RECQL: variants seen among roughly 807,000 people sequenced by gnomAD.
RECQL encodes ATP-dependent DNA helicase Q1.
Under a neutral mutation model 75.8 loss-of-function variants are expected in RECQL, and 73 were observed. The ratio of observed to expected loss-of-function variants is 0.96; its 90% CI spans 0.80 to 1.17. The LOEUF (loss-of-function observed/expected upper bound fraction) is 1.17. Ranked by LOEUF, RECQL falls within the 50% of genes most tolerant of loss-of-function variation. The pLI is 0.00. For synonymous variants in RECQL, 248 were observed against 254.4 expected (o/e 0.97, Z 0.24); for missense variants, 699 against 772.1 (o/e 0.91, Z 1.12).
At chr12:21,490,153 T>C (rs753316653) in intron 4 of RECQL, 46 bp downstream of exon 4, 2 of 1,104,380 alleles carry the variant, frequency 1.8e-6, no homozygotes, top group South Asian at 3.5e-5. Context: ...AAAGGTATGA[T>C]GACAAAGCAC....
chr12:21,481,872 A>T (rs1943198560), intron 6 of RECQL, among the ~76,000 whole-genome samples: 1 of 152,054 alleles, frequency 6.6e-6, no homozygotes, highest in Non-Finnish European at 1.5e-5. Context: ...GTGAGAGGTG[A>T]ATATATAAAA....
chr12:21,494,708 A>AG (rs772695627), intron 2 of RECQL, among the ~76,000 whole-genome samples: 1 of 152,224 alleles, frequency 6.6e-6, no homozygotes, highest in Admixed American at 6.5e-5. Flanking sequence ...GCTGTCCCCC[A>AG]GGAGAATCCA....
rs71582885 is a variant in RECQL, at chr12:21,469,888, T to C, written c.*306A>G. 7,389 of 209,530 alleles carry C rather than the reference T, an allele frequency of 0.035. 176 individuals are homozygous for C. The highest frequency in any genetic ancestry group is 0.084 in the Middle Eastern group (43 of 510). 13.0% of individuals were successfully genotyped at this position (209,530 alleles called of 1,614,324 possible). On this transcript the variant is annotated 3_prime_UTR_variant, in exon 15 of 15. Coordinates refer to ENST00000444129, the MANE Select transcript of RECQL (RefSeq NM_002907.4). ...GATAGTTATGTCAAAAGAAAAAATA[T>C]AGCTAAGTATATAAAGGCATAAAAA... is the stretch of plus-strand genomic sequence containing the variant.
chr12:21,486,539 T>C lies in RECQL; in HGVS notation c.441A>G (p.Gln147=), dbSNP rs765645630. Residue 147 remains glutamine (Q), a synonymous_variant, in exon 5 of 15, where the codon CAA becomes CAG. Coordinates refer to ENST00000444129, the MANE Select transcript of RECQL (RefSeq NM_002907.4). ...TTCCTAATTGTTTTAAAACCATTAA[T>C]TGGTCTTCCATAAGAGAGATCAATG... ...ICPLISLMED[Q]LMVLKQLGIS... The C allele has an allele frequency of 2.5e-6, 4 of 1,605,240 alleles. No homozygotes were observed. Among genetic ancestry groups the C allele is most frequent in the Middle Eastern group, 1.7e-4 (1 of 6,016 alleles).
Position 21,471,115 on chromosome 12 carries a change from C to A in RECQL, c.1668-17G>T, listed in dbSNP as rs1436386870. On this transcript the variant is annotated splice_polypyrimidine_tract_variant and intron_variant, in intron 13 of 14. Transcript: ENST00000444129. Reference sequence around the variant, plus strand: ...TAGTCTTCTCTGCAGAAAATAAAGGCCAACAATAAGAAAGCTTTTGAAGGA... The same window carrying A: ...TAGTCTTCTCTGCAGAAAATAAAGGACAACAATAAGAAAGCTTTTGAAGGA... The A allele has an allele frequency of 1.3e-6, 2 of 1,548,834 alleles. No homozygotes were observed. Among genetic ancestry groups the A allele is most frequent in the Non-Finnish European group, 1.7e-6 (2 of 1,157,682 alleles).
intron 4 of RECQL, among the ~76,000 whole-genome samples, chr12:21,488,619 T>G (rs182560960): frequency 6.6e-6 from 1 of 152,190 alleles, no homozygotes; most frequent in East Asian, 1.9e-4. Flanking sequence ...CTTTCGCCAA[T>G]GTACCCCATT....
intron 4 of RECQL, among the ~76,000 whole-genome samples, chr12:21,487,205 G>A (rs1256480123): frequency 6.6e-6 from 1 of 151,884 alleles, no homozygotes; most frequent in African/African-American, 2.4e-5. Context: ...AATCACTATT[G>A]GTAATTTCAG....
rs1943232845 is a variant in RECQL at position 21,483,539 on chromosome 12, A to G, written c.537T>C (p.Asn179=). The G allele has an allele frequency of 4.4e-6, 7 of 1,579,986 alleles. No individual in the cohort carries two copies. The highest frequency in any genetic ancestry group is 6.0e-6 in the Non-Finnish European group (7 of 1,170,816). Residue 179 remains asparagine (N), a synonymous_variant, in exon 6 of 15, where the codon AAT becomes AAC. Coordinates refer to ENST00000444129, the MANE Select transcript of RECQL (RefSeq NM_002907.4). ...AAATCAGCTTTAACTCGGAGTTTTT[A>G]TTTACCATTTCAGCATGAACCCATT... is the stretch of plus-strand genomic sequence containing the variant. ...HVKWVHAEMV[N]KNSELKLIYV...
Position 21,477,788 on chromosome 12 carries a change from A to G in RECQL, c.867+15T>C. Reference sequence around the variant, plus strand: ...TTCTTCACAAAAGTAAGGAATTGACATAAAAATTACATACCTCATAATATA... The same window carrying G: ...TTCTTCACAAAAGTAAGGAATTGACGTAAAAATTACATACCTCATAATATA... On this transcript the variant is annotated intron_variant, in intron 7 of 14. Transcript: ENST00000444129. The G allele has an allele frequency of 1.3e-6, 2 of 1,582,966 alleles. No individual in the cohort carries two copies. The highest frequency in any genetic ancestry group is 1.7e-6 in the Non-Finnish European group (2 of 1,159,718).
chr12:21,475,430 T>C (rs1156550361), intron 10 of RECQL, 38 bp downstream of exon 10: 2 of 1,322,432 alleles, frequency 1.5e-6, no homozygotes, highest in Admixed American at 2.0e-5. Flanking sequence ...TTGGAAAAGC[T>C]TTCTAAAAAT....
rs1486954225 is a variant in RECQL at position 21,475,470 on chromosome 12, G to A, written c.1214C>T (p.Ala405Val). Residue 405 changes from alanine (A) to valine (V), a missense_variant and splice_region_variant, in exon 10 of 15, where the codon GCA becomes GTA. Physicochemically the swap from Ala to Val is moderately conservative, Grantham distance 64 (BLOSUM62 0). Coordinates refer to ENST00000444129, the MANE Select transcript of RECQL (RefSeq NM_002907.4). ...MENYYQESGR[A>V]GRDDMKADCI... ...TTCTGGATTTGAGTCCTACATACCT[G>A]CACGTCCACTCTCTTGGTAATAATT... 6.3e-7 allele frequency: 1 copy of A among 1,593,404 alleles called. No individual in the cohort carries two copies. Among genetic ancestry groups the A allele is most frequent in the Non-Finnish European group, 8.6e-7 (1 of 1,163,246 alleles).
chr12:21,482,351 AGCATCT>A (rs1943207165), intron 6 of RECQL, among the ~76,000 whole-genome samples: 1 of 152,164 alleles, frequency 6.6e-6, no homozygotes, highest in Non-Finnish European at 1.5e-5. Flanking sequence ...TGAAGCAGAA[AGCATCT>A]GCTAAGTACA....
Position 21,490,392 on chromosome 12 carries a change from G to T in RECQL, c.215-14C>A, listed in dbSNP as rs757110370. 7 of 1,568,372 alleles carry T rather than the reference G, an allele frequency of 4.5e-6. No individual in the cohort carries two copies. Among genetic ancestry groups the T allele is most frequent in the South Asian group, 1.1e-5 (1 of 89,464 alleles). On this transcript the variant is annotated splice_polypyrimidine_tract_variant and intron_variant, in intron 3 of 14. Coordinates refer to ENST00000444129, the MANE Select transcript of RECQL (RefSeq NM_002907.4). ...ACCATGGAAAATCTAGGAAAAGAAAGTTAAGAATCAGACAAACATGTAAGA... is the reference window on the plus strand; with the variant it reads ...ACCATGGAAAATCTAGGAAAAGAAATTTAAGAATCAGACAAACATGTAAGA...
intron 12 of RECQL, among the ~76,000 whole-genome samples, chr12:21,472,681 TA>T (rs1591969944): frequency 6.6e-6 from 1 of 152,222 alleles, no homozygotes; most frequent in East Asian, 1.9e-4. Flanking sequence ...TTCTTTGCTA[TA>T]TCTTGTTTTG....
At chr12:21,490,905 C>T (rs550959678) in intron 3 of RECQL, among the ~76,000 whole-genome samples, 1 of 151,994 alleles carries the variant, frequency 6.6e-6, no homozygotes, top group East Asian at 1.9e-4. Flanking sequence ...GAGAATTAAC[C>T]CACACAAGAA....
chr12:21,479,217 GA>G (rs1305740648), intron 6 of RECQL, among the ~76,000 whole-genome samples: 1 of 152,112 alleles, frequency 6.6e-6, no homozygotes, highest in Non-Finnish European at 1.5e-5. Context: ...CATTCATCGT[GA>G]CTCTGCTTCT....
intron 2 of RECQL, among the ~76,000 whole-genome samples, chr12:21,496,870 C>G (rs1182310079): frequency 1.3e-5 from 2 of 152,170 alleles, no homozygotes; most frequent in Non-Finnish European, 2.9e-5. Flanking sequence ...AGAGGTAACG[C>G]CATGATACAA....
chr12:21,474,660 C>A (rs912528621), intron 11 of RECQL, among the ~76,000 whole-genome samples, 181 bp downstream of exon 11: 2 of 152,126 alleles, frequency 1.3e-5, no homozygotes, highest in East Asian at 3.9e-4. Flanking sequence ...GATAGGGCAT[C>A]TTTTCTTGAA....
intron 12 of RECQL, among the ~76,000 whole-genome samples, chr12:21,473,243 G>A (rs187749584): frequency 3.3e-5 from 5 of 152,076 alleles, no homozygotes; most frequent in Non-Finnish European, 4.4e-5. Flanking sequence ...ACGGAGTCTC[G>A]CTGTCACCCA....
Sources: gnomAD v4.1 joint callset for allele counts (sites outside exome capture counted in the v4.1 genomes callset) on GRCh38, gnomAD v4.1.1 for gene constraint, MANE v1.5 for transcripts, NCBI Gene and HGNC (gene_info 2026-07-23, HGNC 2026-07-21) for gene names.